Variants in KCNB2 observed in about 807,000 individuals in gnomAD.
KCNB2 encodes delayed rectifier potassium channel protein.
Under a neutral mutation model 61.5 loss-of-function variants are expected in KCNB2, and 15 were observed. That is an observed-to-expected ratio of 0.24 (90% CI 0.16 to 0.38). The LOEUF (loss-of-function observed/expected upper bound fraction) is 0.38. KCNB2 is among the 10% of genes least tolerant of loss of function. The pLI is 1.00. For missense variants in KCNB2, 828 were observed against 1,125.2 expected (o/e 0.74, Z 3.78); for synonymous variants, 457 against 446.0 (o/e 1.02, Z -0.31).
intron 2 of KCNB2, among the ~76,000 whole-genome samples, chr8:72,922,267 T>C (rs1011787773): frequency 1.3e-5 from 2 of 152,202 alleles, no homozygotes; most frequent in African/African-American, 2.4e-5. Context: ...GGTCATTGGA[T>C]TTAGGGCCCA....
At chr8:72,837,899 G>T (rs1809808327) in intron 2 of KCNB2, among the ~76,000 whole-genome samples, 1 of 152,044 alleles carries the variant, frequency 6.6e-6, no homozygotes, top group Non-Finnish European at 1.5e-5. Context: ...GTTAGCAAAA[G>T]TTAGGCCTGC....
At chr8:72,664,658 A>G (rs987937367) in intron 2 of KCNB2, among the ~76,000 whole-genome samples, 2 of 152,256 alleles carry the variant, frequency 1.3e-5, no homozygotes, top group Non-Finnish European at 2.9e-5. Context: ...TTTATTAAGT[A>G]CTTGTTACAT....
intron 2 of KCNB2, among the ~76,000 whole-genome samples, chr8:72,926,167 G>A (rs1806643678): frequency 6.6e-6 from 1 of 152,104 alleles, no homozygotes; most frequent in African/African-American, 2.4e-5. Flanking sequence ...CCTAGGTGAT[G>A]GGTTGATCTG....
chr8:72,837,121 C>T (rs1379835665), intron 2 of KCNB2, among the ~76,000 whole-genome samples: 1 of 152,160 alleles, frequency 6.6e-6, no homozygotes, highest in Non-Finnish European at 1.5e-5. Context: ...ACATACTGTT[C>T]CTGGAACAAG....
chr8:72,938,114 GAAACAAAACA>G lies in KCNB2; in HGVS notation c.*38_*47del, dbSNP rs529084229. The G allele has an allele frequency of 5.2e-4, 796 of 1,532,776 alleles. 4 individuals are homozygous for G. In the African/African-American group the frequency reaches 5.8e-3, roughly 11 times the overall value. The allele number at this position is 1,532,776 out of a possible 1,614,324, so 94.9% of individuals were successfully genotyped here. On this transcript the variant is annotated 3_prime_UTR_variant, in exon 3 of 3. Transcript: ENST00000523207. The stretch of plus-strand genomic sequence containing the variant: ...TGACTAGTTACAAAAGCAATAAATT[GAAACAAAACA>G]AAACAAAACAAAACTTGTTTCTTAA...
chr8:72,596,889 G>T (rs1349582271), intron 2 of KCNB2, among the ~76,000 whole-genome samples: 1 of 151,844 alleles, frequency 6.6e-6, no homozygotes, highest in African/African-American at 2.4e-5. Context: ...TACCTCCTAA[G>T]GATTTTCTGC....
intron 2 of KCNB2, among the ~76,000 whole-genome samples, chr8:72,714,793 C>T (rs1807397768): frequency 6.6e-6 from 1 of 151,938 alleles, no homozygotes; most frequent in Non-Finnish European, 1.5e-5. Context: ...ATGACAGGAT[C>T]AAATTCACAC....
intron 2 of KCNB2, among the ~76,000 whole-genome samples, chr8:72,845,140 T>G (rs1235669146): frequency 2.0e-5 from 3 of 152,176 alleles, no homozygotes; most frequent in African/African-American, 7.2e-5. Context: ...ATGTCCCTTT[T>G]GTTGATGTTG....
chr8:72,606,960 G>A (rs1805461043), intron 2 of KCNB2, among the ~76,000 whole-genome samples: 1 of 152,212 alleles, frequency 6.6e-6, no homozygotes, highest in Non-Finnish European at 1.5e-5. Context: ...TGAGGGATCA[G>A]TGTTGAGGAC....
chr8:72,771,302 G>A (rs1458929095), intron 2 of KCNB2, among the ~76,000 whole-genome samples: 1 of 152,216 alleles, frequency 6.6e-6, no homozygotes, highest in Non-Finnish European at 1.5e-5. Flanking sequence ...GAGTTTTGCT[G>A]TGGCATTTTC....
intron 2 of KCNB2, among the ~76,000 whole-genome samples, chr8:72,664,219 G>A (rs1470466893): frequency 1.3e-5 from 2 of 152,174 alleles, no homozygotes; most frequent in Non-Finnish European, 2.9e-5. Context: ...CTTTTACTCT[G>A]CAGCGCCCTC....
chr8:72,556,125 G>A lies in KCNB2; in HGVS notation c.-93-11517G>A, dbSNP rs77661812. On this transcript the variant is annotated intron_variant, in intron 1 of 2. Transcript: ENST00000523207. ...ACTCAGGGCTTCAGTTGGTCCATCTGTGGGTCCCTAATTTTTACATTTTTA... is the reference window on the plus strand; with the variant it reads ...ACTCAGGGCTTCAGTTGGTCCATCTATGGGTCCCTAATTTTTACATTTTTA... Among the ~76,000 whole-genome samples, 575 of 152,160 alleles carry A rather than the reference G, an allele frequency of 3.8e-3. 2 individuals carry two copies. Among genetic ancestry groups the A allele is most frequent in the Admixed American group, 6.9e-3 (106 of 15,274 alleles).
intron 1 of KCNB2, among the ~76,000 whole-genome samples, chr8:72,560,840 A>C (rs73308775): frequency 0.034 from 5,094 of 152,016 alleles, 125 homozygotes; most frequent in South Asian, 0.09. Flanking sequence ...ATGTTTTATA[A>C]AAGGCCATTT....
intron 2 of KCNB2, among the ~76,000 whole-genome samples, chr8:72,741,407 A>G (rs1174633506): frequency 6.6e-6 from 1 of 152,050 alleles, no homozygotes; most frequent in Non-Finnish European, 1.5e-5. Context: ...ATCTGTGCAT[A>G]TATTTCTTTT....
intron 2 of KCNB2, among the ~76,000 whole-genome samples, chr8:72,846,523 G>T (rs1809996810): frequency 6.6e-6 from 1 of 151,066 alleles, no homozygotes; most frequent in Non-Finnish European, 1.5e-5. Flanking sequence ...CTGACAAAGG[G>T]CTAATATCCA....
intron 2 of KCNB2, among the ~76,000 whole-genome samples, chr8:72,920,471 A>ATATATATATATATATATG (rs1323200698): frequency 2.4e-5 from 1 of 42,260 alleles, no homozygotes; most frequent in Non-Finnish European, 7.1e-5. Context: ...CTATCTATCT[A>ATATATATATATATATATG]TCTATATATA....
intron 2 of KCNB2, among the ~76,000 whole-genome samples, chr8:72,841,826 G>C (rs994344161): frequency 6.6e-5 from 10 of 152,136 alleles, no homozygotes; most frequent in African/African-American, 2.2e-4. Flanking sequence ...AAGGAGATTT[G>C]GGGCTGAGAC....
intron 2 of KCNB2, among the ~76,000 whole-genome samples, chr8:72,587,497 G>A (rs1807018130): frequency 6.6e-6 from 1 of 152,190 alleles, no homozygotes; most frequent in South Asian, 2.1e-4. Context: ...GCCAAGGCAG[G>A]AGCATCAATC....
intron 2 of KCNB2, among the ~76,000 whole-genome samples, chr8:72,907,934 G>C (rs1806207445): frequency 6.6e-6 from 1 of 152,142 alleles, no homozygotes; most frequent in Admixed American, 6.6e-5. Context: ...AAGGAAAAAA[G>C]CTGTACACTT....
Sources: gnomAD v4.1 joint callset for allele counts (sites outside exome capture counted in the v4.1 genomes callset) on GRCh38, gnomAD v4.1.1 for gene constraint, MANE v1.5 for transcripts, NCBI Gene and HGNC (gene_info 2026-07-23, HGNC 2026-07-21) for gene names.